SLC35F4: variants seen among roughly 807,000 people sequenced by gnomAD.
The protein encoded by SLC35F4 is chromosome 14 open reading frame 36.
Under a neutral mutation model 44.2 loss-of-function variants are expected in SLC35F4, and 24 were observed. That is an observed-to-expected ratio of 0.54 (90% CI 0.39 to 0.76). SLC35F4 has a LOEUF of 0.76. Among genes scored for constraint, SLC35F4 ranks in the 30% least tolerant of loss-of-function variants. The pLI, the probability that SLC35F4 is intolerant of heterozygous loss-of-function variation, is 0.00. For synonymous variants in SLC35F4, 238 were observed against 223.6 expected, an observed-to-expected ratio of 1.06 and a Z score of -0.57; for missense variants, 562 against 586.1, an observed-to-expected ratio of 0.96 and a Z score of 0.42.
At chr14:57,638,456 C>A (rs2073098125) in intron 1 of SLC35F4, among the ~76,000 whole-genome samples, 1 of 152,096 alleles carries the variant, frequency 6.6e-6, no homozygotes, top group Non-Finnish European at 1.5e-5. Context: ...ATATTCATAG[C>A]TCTTCTTGTA....
intron 1 of SLC35F4, among the ~76,000 whole-genome samples, chr14:57,775,235 C>T (rs531124164): frequency 1.6e-4 from 24 of 152,364 alleles, no homozygotes; most frequent in African/African-American, 5.8e-4. Flanking sequence ...CTGGGAACAC[C>T]TGCATGGAGG....
rs771411025 is a variant in SLC35F4 at position 57,581,278 on chromosome 14, CAACAG to C, written c.738_742del (p.Phe246LeufsTer2). The stretch of plus-strand genomic sequence containing the variant: ...CAGCAAGAAGACAAAGGCTTTGTTA[CAACAG>C]AACAGAGCGGAGACATCCGTGGCCG... On this transcript the variant is annotated frameshift_variant, in exon 4 of 8. Transcript: ENST00000556826. LOFTEE classifies it high-confidence loss of function. 1 of 1,612,504 alleles carries C rather than the reference CAACAG, an allele frequency of 6.2e-7. No individual in the cohort carries two copies. The highest frequency in any genetic ancestry group is 8.5e-7 in the Non-Finnish European group (1 of 1,179,426).
At chr14:57,909,067 C>T (rs2141050098) in intron 1 of SLC35F4, among the ~76,000 whole-genome samples, 1 of 152,196 alleles carries the variant, frequency 6.6e-6, no homozygotes, top group South Asian at 2.1e-4. Flanking sequence ...TTGTTTTTGT[C>T]AGGTTTGTGG....
intron 1 of SLC35F4, among the ~76,000 whole-genome samples, chr14:57,898,272 A>G (rs1158188610): frequency 6.6e-6 from 1 of 152,272 alleles, no homozygotes; most frequent in African/African-American, 2.4e-5. Context: ...AGATTGTTAC[A>G]TCTCTGCATT....
In SLC35F4 at chr14:57,865,798, C is replaced by A. The variant is rs1455059700; in HGVS notation, c.28G>T (p.Val10Leu). 5 of 1,520,102 alleles carry A rather than the reference C, an allele frequency of 3.3e-6. No individual in the cohort carries two copies. The Admixed American group carries it at 8.2e-5, about 25-fold the overall frequency. 94.2% of individuals were successfully genotyped at this position (1,520,102 alleles called of 1,614,324 possible). The change falls in exon 1 of 8, where the codon GTG (valine) becomes TTG (leucine). Residue 10 changes from valine (V) to leucine (L), a missense_variant. Val to Leu is a conservative substitution (Grantham distance 32). Coordinates refer to ENST00000556826, the MANE Select transcript of SLC35F4 (RefSeq NM_001306087.2). MDVKAAPNG[V>L]ATIEDRILRI... ...AGGATCCGGTCCTCGATAGTGGCCACCCCGTTGGGGGCCGCCTTGACATCC... is the reference window on the plus strand; with the variant it reads ...AGGATCCGGTCCTCGATAGTGGCCAACCCGTTGGGGGCCGCCTTGACATCC...
chr14:57,710,425 G>T (rs1392537457), intron 1 of SLC35F4, among the ~76,000 whole-genome samples: 1 of 152,128 alleles, frequency 6.6e-6, no homozygotes, highest in Non-Finnish European at 1.5e-5. Flanking sequence ...GAAGAGAAAT[G>T]TGGGGATGGA....
At chr14:57,765,925 C>A (rs1373514241) in intron 1 of SLC35F4, among the ~76,000 whole-genome samples, 1 of 152,202 alleles carries the variant, frequency 6.6e-6, no homozygotes, top group African/African-American at 2.4e-5. Flanking sequence ...GTAAGTGCTT[C>A]CCTAGCCATG....
At chr14:57,738,723 CTTT>C (rs1162769712) in intron 1 of SLC35F4, among the ~76,000 whole-genome samples, 1 of 138,052 alleles carries the variant, frequency 7.2e-6, no homozygotes, top group South Asian at 2.2e-4. Context: ...CATAGAAAGC[CTTT>C]ATTTCATAAT....
At chr14:57,750,650 A>G (rs923618059) in intron 1 of SLC35F4, among the ~76,000 whole-genome samples, 4 of 152,072 alleles carry the variant, frequency 2.6e-5, no homozygotes, top group African/African-American at 7.2e-5. Flanking sequence ...TTTTTTGCAC[A>G]TATCTGTTGG....
intron 1 of SLC35F4, among the ~76,000 whole-genome samples, chr14:57,759,940 A>G (rs542249667): frequency 1.3e-5 from 2 of 150,936 alleles, no homozygotes; most frequent in African/African-American, 4.9e-5. Context: ...TATATTTTGA[A>G]TATTAATTCT....
intron 1 of SLC35F4, among the ~76,000 whole-genome samples, chr14:57,623,509 T>A (rs1193691657): frequency 6.6e-6 from 1 of 152,182 alleles, no homozygotes; most frequent in East Asian, 1.9e-4. Flanking sequence ...GAATATACAT[T>A]CTTCTCAGCA....
chr14:57,929,734 A>G (rs1241640654), intron 1 of SLC35F4, among the ~76,000 whole-genome samples: 1 of 152,210 alleles, frequency 6.6e-6, no homozygotes, highest in Non-Finnish European at 1.5e-5. Flanking sequence ...TTTCTCCAGA[A>G]GAAAGCCGCA....
chr14:57,815,736 C>A (rs866612751), intron 1 of SLC35F4, among the ~76,000 whole-genome samples: 6 of 152,142 alleles, frequency 3.9e-5, no homozygotes, highest in African/African-American at 7.2e-5. Flanking sequence ...AAAACTCCCC[C>A]TAAATAGCGC....
At chr14:57,642,812 C>A (rs763387494) in intron 1 of SLC35F4, among the ~76,000 whole-genome samples, 9 of 151,352 alleles carry the variant, frequency 5.9e-5, no homozygotes, top group Non-Finnish European at 1.0e-4. Context: ...AGATTTTTAC[C>A]AACTAAAATA....
At chr14:57,727,579 G>A (rs939017030) in intron 1 of SLC35F4, among the ~76,000 whole-genome samples, 2 of 151,464 alleles carry the variant, frequency 1.3e-5, no homozygotes, top group African/African-American at 4.9e-5. Flanking sequence ...ATAGGTTTTG[G>A]TATGTGGTGT....
At chr14:57,897,218 A>T (rs1276261651) in intron 1 of SLC35F4, among the ~76,000 whole-genome samples, 1 of 152,076 alleles carries the variant, frequency 6.6e-6, no homozygotes, top group Non-Finnish European at 1.5e-5. Context: ...TGTTAGCACC[A>T]TTTCTTGCAA....
At chr14:57,727,801 CAT>C (rs1297424062) in intron 1 of SLC35F4, among the ~76,000 whole-genome samples, 1 of 152,184 alleles carries the variant, frequency 6.6e-6, no homozygotes, top group East Asian at 1.9e-4. Flanking sequence ...AATGACCTAA[CAT>C]GTGGTCTATC....
chr14:57,954,364 C>T (rs1034650104), intron 1 of SLC35F4, among the ~76,000 whole-genome samples: 3 of 152,178 alleles, frequency 2.0e-5, no homozygotes, highest in South Asian at 2.1e-4. Flanking sequence ...ATTAAAAGAA[C>T]TAGAGAAGCA....
At chr14:57,737,098 T>TTGTG (rs5808938) in intron 1 of SLC35F4, among the ~76,000 whole-genome samples, 33,807 of 148,666 alleles carry the variant, frequency 0.23, 3,821 homozygotes, top group Admixed American at 0.26. Context: ...CTTTCTATCT[T>TTGTG]TGTGTGTGTG....
Sources: allele counts gnomAD v4.1 joint callset (sites outside exome capture counted in the v4.1 genomes callset), GRCh38; gene constraint gnomAD v4.1.1; transcripts MANE v1.5; gene names NCBI Gene and HGNC (gene_info 2026-07-23, HGNC 2026-07-21).